The following ASPH variants were observed in gnomAD, a reference collection of about 807,000 sequenced individuals.
The protein encoded by ASPH is aspartyl/asparaginyl beta-hydroxylase.
ASPH carries 100 observed loss-of-function variants against 118.4 expected under a neutral mutation model. The ratio of observed to expected loss-of-function variants is 0.84; its 90% CI spans 0.72 to 1.00. ASPH has a LOEUF of 1.00. ASPH is among the 50% of genes least tolerant of loss of function. The pLI is 0.00. For synonymous variants in ASPH, 315 were observed against 325.6 expected, an observed-to-expected ratio of 0.97 and a Z score of 0.35; for missense variants, 920 against 919.5, an observed-to-expected ratio of 1.00 and a Z score of -0.01.
rs141047205 is a variant in ASPH, at chr8:61,536,610, C to T, written c.1765-10498G>A. Among the ~76,000 whole-genome samples the T allele has an allele frequency of 9.5e-4, 144 of 152,248 alleles. 1 individual carries two copies. The Middle Eastern group carries it at 0.027, about 29-fold the overall frequency. ...TGATTAGAGGAGGGTGCATATTTGG[C>T]TCTCTCTGGTTGGGCTTACGTTGGA... On this transcript the variant is annotated intron_variant, in intron 21 of 24. Transcript: ENST00000379454.
At chr8:61,598,341 T>C (rs1270086238) in intron 14 of ASPH, among the ~76,000 whole-genome samples, 1 of 151,858 alleles carries the variant, frequency 6.6e-6, no homozygotes, top group Admixed American at 6.6e-5. Flanking sequence ...AAACCAAAAG[T>C]GAGCAGGAGT....
chr8:61,657,416 CTG>C (rs1460714009), intron 3 of ASPH: 1 of 152,192 alleles, frequency 6.6e-6, no homozygotes, highest in Non-Finnish European at 1.5e-5. Context: ...CAAACCTAGA[CTG>C]TATGCAACAT....
At chr8:61,711,074 C>T (rs957964701) in intron 1 of ASPH, among the ~76,000 whole-genome samples, 1 of 74,112 alleles carries the variant, frequency 1.3e-5, no homozygotes, top group African/African-American at 6.8e-5. Flanking sequence ...TATATACAGA[C>T]GGATTAAATA....
At chr8:61,678,686 T>TAACATATCTTA (rs1309394467) in intron 3 of ASPH, among the ~76,000 whole-genome samples, 1 of 152,078 alleles carries the variant, frequency 6.6e-6, no homozygotes, top group Admixed American at 6.6e-5. Flanking sequence ...TATGAAAGTT[T>TAACATATCTTA]AACATATCTT....
At chr8:61,682,008 ATTG>A (rs1438282716) in intron 2 of ASPH, among the ~76,000 whole-genome samples, 3 of 152,018 alleles carry the variant, frequency 2.0e-5, no homozygotes, top group Non-Finnish European at 4.4e-5. Flanking sequence ...AATTTTGGCA[ATTG>A]TTATCATTTC....
At chr8:61,691,823 T>C (rs1832724197) in intron 1 of ASPH, among the ~76,000 whole-genome samples, 1 of 152,222 alleles carries the variant, frequency 6.6e-6, no homozygotes, top group East Asian at 1.9e-4. Context: ...TTCTATTGAT[T>C]CAATCGTGAC....
intron 1 of ASPH, among the ~76,000 whole-genome samples, chr8:61,685,172 T>C (rs1352710136): frequency 2.0e-5 from 3 of 152,214 alleles, no homozygotes; most frequent in Non-Finnish European, 2.9e-5. Context: ...TGGATGTTTA[T>C]GCAGGACAAT....
At chr8:61,700,443 G>A (rs1834966916) in intron 1 of ASPH, among the ~76,000 whole-genome samples, 1 of 152,188 alleles carries the variant, frequency 6.6e-6, no homozygotes, top group African/African-American at 2.4e-5. Flanking sequence ...GTTAAGTTCT[G>A]TCCCAAAGAT....
intron 2 of ASPH, 82 bp downstream of exon 2, chr8:61,683,957 A>G (rs1307829905): frequency 2.7e-6 from 4 of 1,484,164 alleles, no homozygotes. Context: ...CAGTACCAGA[A>G]AGATGATAAC....
At chr8:61,663,181 T>G in intron 3 of ASPH, 1 of 985,402 alleles carries the variant, frequency 1.0e-6, no homozygotes, top group South Asian at 4.7e-5. Flanking sequence ...CTGCTTCTTC[T>G]TCTGTCCAGT....
chr8:61,661,814 C>CTT, intron 3 of ASPH: 2 of 383,334 alleles, frequency 5.2e-6, no homozygotes, highest in Admixed American at 9.0e-5. Context: ...ACAGAATTAA[C>CTT]TTAAGTAGTC....
At chr8:61,555,900 G>A in intron 19 of ASPH, 24 bp downstream of exon 19, 1 of 1,597,176 alleles carries the variant, frequency 6.3e-7, no homozygotes, top group Non-Finnish European at 8.6e-7. Context: ...AAGATGAAAG[G>A]AGAGGAGAAG....
Position 61,501,689 on chromosome 8 carries a change from T to G in ASPH, c.*1670A>C, listed in dbSNP as rs1273657944. 6.6e-6 allele frequency: 1 copy of G among 152,192 alleles called. No individual in the cohort carries two copies. The highest frequency in any genetic ancestry group is 2.4e-5 in the African/African-American group (1 of 41,460). 9.4% of individuals were successfully genotyped at this position (152,192 alleles called of 1,614,324 possible). Reference sequence around the variant, plus strand: ...CGATTTTAGTAATTAATTTGGATATTTTTCCTCCCATGCCTCTTCATCTGA... The same window carrying G: ...CGATTTTAGTAATTAATTTGGATATGTTTCCTCCCATGCCTCTTCATCTGA... On this transcript the variant is annotated 3_prime_UTR_variant, in exon 25 of 25. Coordinates refer to ENST00000379454, the MANE Select transcript of ASPH (RefSeq NM_004318.4).
chr8:61,593,207 T>C (rs939622018), intron 14 of ASPH, among the ~76,000 whole-genome samples: 1 of 146,704 alleles, frequency 6.8e-6, no homozygotes. Flanking sequence ...GGCAGGAGCC[T>C]TTGTTTGTAT....
At chr8:61,607,653 T>G (rs1442680801) in intron 14 of ASPH, among the ~76,000 whole-genome samples, 3 of 151,602 alleles carry the variant, frequency 2.0e-5, no homozygotes, top group Non-Finnish European at 2.9e-5. Flanking sequence ...CTTTCTGGCA[T>G]GAGAGACCCA....
intron 18 of ASPH, among the ~76,000 whole-genome samples, chr8:61,562,389 C>CTCTGTGTGTG (rs71257370): frequency 0.047 from 6,065 of 128,824 alleles, 210 homozygotes; most frequent in Admixed American, 0.06. Context: ...GAAAGTGTGT[C>CTCTGTGTGTG]TGTGTGTGTG....
At chr8:61,560,883 T>C (rs916548640) in intron 18 of ASPH, among the ~76,000 whole-genome samples, 1 of 151,592 alleles carries the variant, frequency 6.6e-6, no homozygotes, top group African/African-American at 2.4e-5. Flanking sequence ...TCAAACGTGC[T>C]TGCACCCAGT....
intron 16 of ASPH, among the ~76,000 whole-genome samples, chr8:61,568,981 T>C (rs1407394388): frequency 3.3e-5 from 5 of 151,780 alleles, no homozygotes; most frequent in East Asian, 1.9e-4. Flanking sequence ...AGAGACTCAG[T>C]AGAGAGGGAA....
chr8:61,611,490 T>A (rs1378633628), intron 14 of ASPH, among the ~76,000 whole-genome samples: 1 of 152,196 alleles, frequency 6.6e-6, no homozygotes, highest in Non-Finnish European at 1.5e-5. Context: ...GAGGCTGCCT[T>A]CGAGGCTGAC....
Sources: gnomAD v4.1 joint callset for allele counts (sites outside exome capture counted in the v4.1 genomes callset) on GRCh38, gnomAD v4.1.1 for gene constraint, MANE v1.5 for transcripts, NCBI Gene and HGNC (gene_info 2026-07-23, HGNC 2026-07-21) for gene names.